CUX1: variants seen among roughly 807,000 people sequenced by gnomAD.
The protein encoded by CUX1 is cut like homeobox 1.
Under a neutral mutation model 158.8 loss-of-function variants are expected in CUX1, and 31 were observed. The observed-to-expected ratio is 0.20, with a 90% CI of 0.15 to 0.26. CUX1 has a LOEUF of 0.26. Ranked by LOEUF, CUX1 falls within the 10% of genes least tolerant of loss-of-function variation. The pLI, the probability that CUX1 is intolerant of heterozygous loss-of-function variation, is 1.00. For missense variants in CUX1, 1,589 were observed against 2,014.6 expected (o/e 0.79, Z 4.04); for synonymous variants, 879 against 862.1 (o/e 1.02, Z -0.34).
At chr7:102,178,830 G>T (rs1554513017) in intron 11 of CUX1, among the ~76,000 whole-genome samples, 173 bp downstream of exon 11, 1 of 152,164 alleles carries the variant, frequency 6.6e-6, no homozygotes, top group Non-Finnish European at 1.5e-5. Flanking sequence ...GAGACTGGAT[G>T]TTAAACCCTG....
chr7:102,094,835 A>C (rs1302117267), intron 4 of CUX1, among the ~76,000 whole-genome samples: 2 of 152,186 alleles, frequency 1.3e-5, no homozygotes, highest in Admixed American at 6.6e-5. Flanking sequence ...CCATTTGCCC[A>C]GCACAAGGTC....
At chr7:102,068,584 C>T (rs1427227430) in intron 3 of CUX1, among the ~76,000 whole-genome samples, 9 of 152,194 alleles carry the variant, frequency 5.9e-5, no homozygotes, top group Admixed American at 2.0e-4. Context: ...TCCCACTAGC[C>T]ATCGTCCCCC....
intron 2 of CUX1, among the ~76,000 whole-genome samples, chr7:101,962,190 C>T (rs1178386061): frequency 6.6e-6 from 1 of 152,176 alleles, no homozygotes; most frequent in Non-Finnish European, 1.5e-5. Context: ...AATTAGATGT[C>T]TGAAGAGCTG....
intron 2 of CUX1, among the ~76,000 whole-genome samples, chr7:102,003,331 CACA>C (rs1816935405): frequency 6.6e-6 from 1 of 151,512 alleles, no homozygotes; most frequent in African/African-American, 2.4e-5. Flanking sequence ...CACACACACA[CACA>C]CGCCCGCCCC....
At chr7:101,893,142 C>T (rs1331965355) in intron 1 of CUX1, among the ~76,000 whole-genome samples, 26 of 88,486 alleles carry the variant, frequency 2.9e-4, no homozygotes, top group East Asian at 2.8e-3. Context: ...TTTCTTTTTA[C>T]TTTTTATTTT....
intron 2 of CUX1, among the ~76,000 whole-genome samples, chr7:102,013,963 C>G (rs1188673255): frequency 6.6e-6 from 1 of 152,160 alleles, no homozygotes; most frequent in Non-Finnish European, 1.5e-5. Context: ...CCTCAGCCTC[C>G]CAAAGTGCTG....
intron 20 of CUX1, among the ~76,000 whole-genome samples, chr7:102,215,832 T>C (rs1474795124): frequency 6.6e-6 from 1 of 152,024 alleles, no homozygotes. Flanking sequence ...AGCCCAGACA[T>C]TACCCGCACA....
chr7:102,116,910 T>A (rs1158178847), intron 8 of CUX1, among the ~76,000 whole-genome samples: 2 of 152,168 alleles, frequency 1.3e-5, no homozygotes, highest in East Asian at 3.9e-4. Context: ...ATTCATTGAT[T>A]CAACAGACAT....
At chr7:102,166,656 T>C (rs1260659974) in intron 9 of CUX1, among the ~76,000 whole-genome samples, 8 of 152,364 alleles carry the variant, frequency 5.3e-5, no homozygotes, top group Non-Finnish European at 8.8e-5. Flanking sequence ...GAAATGAATT[T>C]ATCCCAGCTC....
At chr7:102,064,633 C>T (rs527316443) in intron 3 of CUX1, among the ~76,000 whole-genome samples, 1 of 152,218 alleles carries the variant, frequency 6.6e-6, no homozygotes, top group African/African-American at 2.4e-5. Context: ...CTTCCTCCCT[C>T]CCTCCCACGG....
intron 9 of CUX1, among the ~76,000 whole-genome samples, chr7:102,165,519 C>T (rs1449686174): frequency 6.6e-6 from 1 of 152,000 alleles, no homozygotes; most frequent in Admixed American, 6.6e-5. Context: ...TGCACACCCC[C>T]ACGCCCAGCT....
At chr7:102,196,585 TCCCCC>T in intron 14 of CUX1, 44 bp from the exon 15 acceptor site, 1 of 1,407,656 alleles carries the variant, frequency 7.1e-7, no homozygotes, top group Non-Finnish European at 9.3e-7. Flanking sequence ...GGTTTTTTTT[TCCCCC>T]TTTGGAATCC....
chr7:101,988,893 G>C (rs1814702299), intron 2 of CUX1, among the ~76,000 whole-genome samples: 1 of 152,078 alleles, frequency 6.6e-6, no homozygotes, highest in African/African-American at 2.4e-5. Flanking sequence ...CAGCTACTCG[G>C]AAGGCCAAGG....
intron 9 of CUX1, among the ~76,000 whole-genome samples, chr7:102,163,080 A>G (rs903878832): frequency 2.6e-5 from 4 of 152,194 alleles, no homozygotes; most frequent in Non-Finnish European, 5.9e-5. Flanking sequence ...TCCAGGGAGG[A>G]AAGATGCAAG....
intron 2 of CUX1, among the ~76,000 whole-genome samples, chr7:101,934,191 T>TA (rs2129124438): frequency 6.6e-6 from 1 of 152,354 alleles, no homozygotes; most frequent in African/African-American, 2.4e-5. Flanking sequence ...AACGATGATC[T>TA]AAAGGTCAAG....
rs183835487 is a variant in CUX1 at position 102,082,177 on chromosome 7, G to A, written c.268+11760G>A. On this transcript the variant is annotated intron_variant, in intron 4 of 23. Coordinates refer to ENST00000292535, the MANE Select transcript of CUX1 (RefSeq NM_181552.4). ...AACGTCCTTTGCACAGCAGGCAGAC[G>A]GGTCTACGTCAGTGGTCTCCAAACT... is the stretch of plus-strand genomic sequence containing the variant. Among the ~76,000 whole-genome samples, 110 of 147,064 alleles carry A rather than the reference G, an allele frequency of 7.5e-4. 16 individuals carry two copies. The highest frequency in any genetic ancestry group is 7.1e-3 in the Admixed American group (103 of 14,548).
At position 102,253,298 on chromosome 7, in the gene CUX1, G is replaced by A. The variant is rs1801721329; in HGVS notation, c.*4256G>A. 4.1e-6 allele frequency: 4 copies of A among 985,472 alleles called. No homozygotes were observed. The African/African-American group carries it at 5.2e-5, about 13-fold the overall frequency. 61.0% of individuals were successfully genotyped at this position (985,472 alleles called of 1,614,324 possible). On this transcript the variant is annotated 3_prime_UTR_variant, in exon 24 of 24. Transcript: ENST00000292535. ...ATACCCCATCTCCCTCCTTGGCCAG[G>A]GCCAGCATCAGGCGTGCAGCTCATG...
chr7:101,885,029 T>C (rs1327144529), intron 1 of CUX1, among the ~76,000 whole-genome samples: 4 of 152,208 alleles, frequency 2.6e-5, no homozygotes, highest in Non-Finnish European at 4.4e-5. Context: ...CTGCATGTCC[T>C]CTGTAGTGCC....
At chr7:101,965,607 G>A (rs1178006673) in intron 2 of CUX1, among the ~76,000 whole-genome samples, 1 of 152,042 alleles carries the variant, frequency 6.6e-6, no homozygotes, top group Non-Finnish European at 1.5e-5. Context: ...CAGCACTTTG[G>A]GAGGCCGAGG....
Sources: allele counts gnomAD v4.1 joint callset (sites outside exome capture counted in the v4.1 genomes callset), GRCh38; gene constraint gnomAD v4.1.1; transcripts MANE v1.5; gene names NCBI Gene and HGNC (gene_info 2026-07-23, HGNC 2026-07-21).